Variants in LAD1 observed in about 807,000 individuals in gnomAD.
LAD1 encodes the protein ladinin 1, also known as ladinin-1.
A neutral mutation model predicts 54.2 loss-of-function variants in LAD1; 53 were observed. The observed-to-expected ratio is 0.98, with a 90% CI of 0.78 to 1.23. The LOEUF is 1.23. Ranked by LOEUF, LAD1 falls within the 50% of genes most tolerant of loss-of-function variation. The pLI is 0.00. For missense variants in LAD1, 637 were observed against 653.3 expected, an observed-to-expected ratio of 0.98 and a Z score of 0.27; for synonymous variants, 231 against 257.7, an observed-to-expected ratio of 0.90 and a Z score of 0.99.
chr1:201,382,287 A>T lies in LAD1; in HGVS notation c.1513T>A (p.Trp505Arg), dbSNP rs773238725. ...AGCGAGGAGTCAGATTTCTGTCCCC[A>T]CTGAGTCCTCTCGGTTGCAGATGAT... is the stretch of plus-strand genomic sequence containing the variant. The part of the protein sequence containing the change: ...KASSATERTQ[W>R]GQKSDSSLDA... The change falls in exon 9 of 10, where the codon TGG (tryptophan) becomes AGG (arginine). Residue 505 changes from tryptophan (W) to arginine (R), a missense_variant. Trp to Arg is a moderately radical substitution (Grantham distance 101). Coordinates refer to ENST00000391967, the MANE Select transcript of LAD1 (RefSeq NM_005558.4). 3.7e-6 allele frequency: 6 copies of T among 1,613,806 alleles called. No individual in the cohort carries two copies. The East Asian group carries it at 1.3e-4, about 36-fold the overall frequency.
chr1:201,381,324 C>G lies in LAD1; in HGVS notation c.*564G>C, dbSNP rs1334533481. On this transcript the variant is annotated 3_prime_UTR_variant, in exon 10 of 10. Coordinates refer to ENST00000391967, the MANE Select transcript of LAD1 (RefSeq NM_005558.4). ...TTAGCTCCTGGCCATGGCAGCCGGC[C>G]AGGGAAGGGAGGGGAGAACCAAGCA... 1.2e-5 allele frequency: 2 copies of G among 161,186 alleles called. No individual in the cohort carries two copies. Among genetic ancestry groups the G allele is most frequent in the Non-Finnish European group, 2.8e-5 (2 of 72,496 alleles). 10.0% of individuals were successfully genotyped at this position (161,186 alleles called of 1,614,324 possible).
chr1:201,383,950 T>C (rs554188675), intron 5 of LAD1, among the ~76,000 whole-genome samples: 1 of 152,362 alleles, frequency 6.6e-6, no homozygotes, highest in East Asian at 1.9e-4. Context: ...CAGTTTTACA[T>C]GAGCAAACTT....
chr1:201,381,984 C>T (rs1661972126), intron 9 of LAD1, 91 bp from the exon 10 acceptor site: 1 of 1,363,774 alleles, frequency 7.3e-7, no homozygotes, highest in Non-Finnish European at 1.0e-6. Flanking sequence ...TCCCTTTGCC[C>T]AAGCCCCACA....
At chr1:201,385,563 G>T in intron 4 of LAD1, 138 bp downstream of exon 4, 1 of 730,622 alleles carries the variant, frequency 1.4e-6, no homozygotes, top group Non-Finnish European at 2.5e-6. Context: ...TTTGTTCAGG[G>T]CCACCCATGG....
chr1:201,386,419 A>T lies in LAD1; in HGVS notation c.942T>A (p.Pro314=). 6.5e-7 allele frequency: 1 copy of T among 1,528,032 alleles called. No individual in the cohort carries two copies. Among genetic ancestry groups the T allele is most frequent in the Non-Finnish European group, 8.7e-7 (1 of 1,142,860 alleles). The allele number at this position is 1,528,032 out of a possible 1,614,324, so 94.7% of individuals were successfully genotyped here. ...TTGCCAAAGAGGGCAGGTTCTTCCC[A>T]GGGAGGGCCCTTCCTCTCTGCTCCT... is the stretch of plus-strand genomic sequence containing the variant. The part of the protein sequence containing the change: ...TTKEQRGRAL[P]GKNLPSLAKQ... The change falls in exon 3 of 10, where the codon CCT becomes CCA. Residue 314 remains proline, a synonymous_variant. Transcript: ENST00000391967.
rs765349663 is a variant in LAD1 at position 201,381,150 on chromosome 1, G to A, written c.*738C>T. ...ATGATCCTCCTCACACACTTCAGGT[G>A]ACCTCTGCTAGAAAGCAAGGCCTCC... On this transcript the variant is annotated 3_prime_UTR_variant, in exon 10 of 10. Transcript: ENST00000391967. The A allele has an allele frequency of 7.2e-5, 11 of 153,642 alleles. No individual in the cohort carries two copies. The highest frequency in any genetic ancestry group is 6.4e-4 in the Admixed American group (10 of 15,544). The allele number at this position is 153,642 out of a possible 1,614,324, so 9.5% of individuals were successfully genotyped here. A position where few individuals can be genotyped will look rare whatever the true frequency, so the allele number is the denominator to read the frequency against.
At chr1:201,393,204 C>T (rs987118521) in intron 1 of LAD1, among the ~76,000 whole-genome samples, 3 of 152,036 alleles carry the variant, frequency 2.0e-5, no homozygotes, top group Non-Finnish European at 2.9e-5. Flanking sequence ...AAGATCAAGA[C>T]GTTGCAGCCA....
At chr1:201,388,198 C>T (rs567804196) in intron 2 of LAD1, among the ~76,000 whole-genome samples, 50 of 152,292 alleles carry the variant, frequency 3.3e-4, no homozygotes, top group Non-Finnish European at 6.9e-4. Flanking sequence ...CAAGATCAGC[C>T]TGCCCAACAT....
At chr1:201,392,352 A>G (rs759485678) in intron 1 of LAD1, among the ~76,000 whole-genome samples, 1 of 152,248 alleles carries the variant, frequency 6.6e-6, no homozygotes, top group Non-Finnish European at 1.5e-5. Context: ...CAGGGCACAC[A>G]TCCAGCATGG....
At chr1:201,388,892 C>T (rs1571722216) in intron 2 of LAD1, among the ~76,000 whole-genome samples, 1 of 152,278 alleles carries the variant, frequency 6.6e-6, no homozygotes, top group African/African-American at 2.4e-5. Context: ...CTCTCAGGGA[C>T]ATTGTGTGGA....
intron 1 of LAD1, 86 bp downstream of exon 1, chr1:201,399,183 C>A: frequency 8.9e-7 from 1 of 1,117,488 alleles, no homozygotes; most frequent in Admixed American, 2.0e-5. Flanking sequence ...GGGTCCCAGG[C>A]GGGGAGGAGG....
At chr1:201,393,250 T>G in intron 1 of LAD1, among the ~76,000 whole-genome samples, 1 of 151,998 alleles carries the variant, frequency 6.6e-6, no homozygotes, top group East Asian at 1.9e-4. Context: ...GGTGTTGGCA[T>G]GAACAGGGGA....
intron 1 of LAD1, among the ~76,000 whole-genome samples, chr1:201,397,055 C>T (rs906621855): frequency 1.3e-5 from 2 of 152,178 alleles, no homozygotes; most frequent in African/African-American, 2.4e-5. Flanking sequence ...TCACCACTGC[C>T]CCCCCAATCC....
At chr1:201,389,540 C>T (rs1164538171) in intron 1 of LAD1, among the ~76,000 whole-genome samples, 8 of 152,106 alleles carry the variant, frequency 5.3e-5, no homozygotes, top group African/African-American at 1.7e-4. Context: ...CGGCCAGGCG[C>T]GGTCGCTCAT....
chr1:201,397,392 T>C (rs527254101), intron 1 of LAD1: 1 of 152,576 alleles, frequency 6.6e-6, no homozygotes, highest in Non-Finnish European at 1.5e-5. Flanking sequence ...CAGGGGCCCC[T>C]GTGGCAGGAC....
intron 6 of LAD1, 49 bp downstream of exon 6, chr1:201,383,268 C>T (rs1271263361): frequency 1.2e-6 from 2 of 1,613,986 alleles, no homozygotes; most frequent in Non-Finnish European, 1.7e-6. Context: ...AGGGCCATGC[C>T]CACTACTCAT....
chr1:201,388,490 C>G (rs1001220254), intron 2 of LAD1, among the ~76,000 whole-genome samples: 1 of 151,980 alleles, frequency 6.6e-6, no homozygotes, highest in African/African-American at 2.4e-5. Flanking sequence ...CGAGACCATC[C>G]TGGCCAACAT....
chr1:201,388,468 A>G (rs1317248707), intron 2 of LAD1, among the ~76,000 whole-genome samples: 1 of 151,930 alleles, frequency 6.6e-6, no homozygotes, highest in African/African-American at 2.4e-5. Flanking sequence ...GTGGATCATG[A>G]GGTCAACAGA....
At position 201,381,722 on chromosome 1, in the gene LAD1, G is replaced by T; in HGVS notation, c.*166C>A. ...AGGCTGGGCTGGGAAGGAGCTGGCT[G>T]AGTCTTGCAAATATTCCTGACCCCA... On this transcript the variant is annotated 3_prime_UTR_variant, in exon 10 of 10. Coordinates refer to ENST00000391967, the MANE Select transcript of LAD1 (RefSeq NM_005558.4). 1.3e-6 allele frequency: 1 copy of T among 764,200 alleles called. No homozygotes were observed. Among genetic ancestry groups the T allele is most frequent in the South Asian group, 1.5e-5 (1 of 67,762 alleles). 47.3% of individuals were successfully genotyped at this position (764,200 alleles called of 1,614,324 possible).
Sources: allele counts gnomAD v4.1 joint callset (sites outside exome capture counted in the v4.1 genomes callset), GRCh38; gene constraint gnomAD v4.1.1; transcripts MANE v1.5; gene names NCBI Gene and HGNC (gene_info 2026-07-23, HGNC 2026-07-21).